ROBO1: variants seen among roughly 807,000 people sequenced by gnomAD.
ROBO1 encodes the protein roundabout guidance receptor 1.
ROBO1 carries 149 observed loss-of-function variants against 195.9 expected under a neutral mutation model. The ratio of observed to expected loss-of-function variants is 0.76; its 90% confidence interval spans 0.67 to 0.87. ROBO1 has a LOEUF of 0.87. Ranked by LOEUF, ROBO1 falls within the 40% of genes least tolerant of loss-of-function variation. The probability of loss-of-function intolerance (pLI) is 0.00; values close to 1 mark genes in which losing one functional copy is unlikely to be tolerated. For missense variants in ROBO1, 1,933 were observed against 2,068.3 expected (o/e 0.93, Z 1.27); for synonymous variants, 816 against 733.2 (o/e 1.11, Z -1.82).
chr3:79,450,491 G>A (rs114230542), intron 2 of ROBO1, among the ~76,000 whole-genome samples: 23 of 152,076 alleles, frequency 1.5e-4, no homozygotes, highest in African/African-American at 4.8e-4. Flanking sequence ...TCAGTTATAC[G>A]AATAATGTAT....
intron 1 of ROBO1, among the ~76,000 whole-genome samples, chr3:79,729,499 T>G (rs1163894055): frequency 6.6e-6 from 1 of 152,238 alleles, no homozygotes; most frequent in Non-Finnish European, 1.5e-5. Flanking sequence ...AAAAGTGCTG[T>G]GTTTGTTTAT....
chr3:79,054,459 C>T (rs533179473), intron 3 of ROBO1, among the ~76,000 whole-genome samples: 2 of 152,078 alleles, frequency 1.3e-5, no homozygotes, highest in East Asian at 3.9e-4. Flanking sequence ...GCATTCCATC[C>T]AATGACAAAA....
chr3:78,636,681 T>TCTGTTGG (rs1253227591), intron 22 of ROBO1, among the ~76,000 whole-genome samples: 1 of 151,782 alleles, frequency 6.6e-6, no homozygotes, highest in Admixed American at 6.6e-5. Context: ...CTTGTTGTAG[T>TCTGTTGG]CCTGTTGGAT....
chr3:79,698,535 C>T (rs1947514165), intron 1 of ROBO1, among the ~76,000 whole-genome samples: 1 of 151,406 alleles, frequency 6.6e-6, no homozygotes, highest in South Asian at 2.1e-4. Context: ...TTCATATGGT[C>T]TATTCTTCCA....
At chr3:78,634,377 T>C (rs957389297) in intron 23 of ROBO1, 4 of 196,816 alleles carry the variant, frequency 2.0e-5, no homozygotes, top group Non-Finnish European at 3.3e-5. Flanking sequence ...AATATATCTA[T>C]GATTAAAAAA....
chr3:78,655,720 T>C (rs1171071195), intron 18 of ROBO1, among the ~76,000 whole-genome samples: 1 of 152,212 alleles, frequency 6.6e-6, no homozygotes, highest in Admixed American at 6.5e-5. Flanking sequence ...TGTTTTGAAA[T>C]AATTTCCAGG....
intron 3 of ROBO1, among the ~76,000 whole-genome samples, chr3:79,109,908 T>C (rs538813668): frequency 3.3e-5 from 5 of 152,130 alleles, no homozygotes; most frequent in Non-Finnish European, 7.4e-5. Flanking sequence ...TAAGTAACTA[T>C]GGGTTAATTG....
At chr3:79,383,607 T>C (rs1421131910) in intron 2 of ROBO1, among the ~76,000 whole-genome samples, 1 of 152,106 alleles carries the variant, frequency 6.6e-6, no homozygotes, top group Non-Finnish European at 1.5e-5. Flanking sequence ...ATTTTTTTGT[T>C]GTTCACTTCC....
At chr3:78,962,790 C>T (rs1431637983) in intron 3 of ROBO1, among the ~76,000 whole-genome samples, 5 of 129,724 alleles carry the variant, frequency 3.9e-5, no homozygotes, top group African/African-American at 1.5e-4. Flanking sequence ...CGCCACTGCA[C>T]TTCAGCCTGG....
chr3:78,968,026 AGT>A (rs1467797468), intron 3 of ROBO1, among the ~76,000 whole-genome samples: 1 of 152,218 alleles, frequency 6.6e-6, no homozygotes, highest in East Asian at 1.9e-4. Context: ...AGAAACTATG[AGT>A]GGAGGGAAAT....
chr3:79,409,715 G>C (rs2037690079), intron 2 of ROBO1, among the ~76,000 whole-genome samples: 1 of 152,076 alleles, frequency 6.6e-6, no homozygotes, highest in Non-Finnish European at 1.5e-5. Flanking sequence ...ATGAGTCTAA[G>C]TTCCTACACA....
intron 3 of ROBO1, among the ~76,000 whole-genome samples, chr3:78,954,354 C>T (rs1181385768): frequency 6.6e-6 from 1 of 151,958 alleles, no homozygotes; most frequent in Non-Finnish European, 1.5e-5. Context: ...AGTGAATAGT[C>T]ATATTGTTTT....
chr3:79,687,110 A>C (rs1245597733), intron 1 of ROBO1, among the ~76,000 whole-genome samples: 2 of 152,176 alleles, frequency 1.3e-5, no homozygotes, highest in Non-Finnish European at 2.9e-5. Flanking sequence ...AAAACAAGAA[A>C]TGGGGAAATG....
intron 2 of ROBO1, among the ~76,000 whole-genome samples, chr3:79,284,424 T>A (rs999399679): frequency 6.6e-6 from 1 of 152,160 alleles, no homozygotes; most frequent in Non-Finnish European, 1.5e-5. Context: ...ATGGCACATG[T>A]ATACCTATGT....
At chr3:78,973,575 C>A (rs2076819536) in intron 3 of ROBO1, among the ~76,000 whole-genome samples, 3 of 129,424 alleles carry the variant, frequency 2.3e-5, no homozygotes, top group Admixed American at 8.1e-5. Context: ...ATATATGAAG[C>A]TATATATATA....
chr3:79,494,531 T>A (rs1460963009), intron 2 of ROBO1, among the ~76,000 whole-genome samples: 1 of 151,944 alleles, frequency 6.6e-6, no homozygotes. Context: ...ACTACAGAGT[T>A]AAGAGAAACA....
At chr3:78,866,304 T>C (rs559021774) in intron 4 of ROBO1, among the ~76,000 whole-genome samples, 4 of 152,328 alleles carry the variant, frequency 2.6e-5, no homozygotes, top group Admixed American at 2.0e-4. Context: ...TAAATACTAA[T>C]ATTTGTGTGA....
intron 3 of ROBO1, among the ~76,000 whole-genome samples, chr3:79,121,455 A>G (rs1047015823): frequency 6.6e-6 from 1 of 152,010 alleles, no homozygotes; most frequent in African/African-American, 2.4e-5. Context: ...TTTTTTAATA[A>G]GAGAATATAT....
intron 5 of ROBO1, among the ~76,000 whole-genome samples, chr3:78,726,626 A>C (rs977011274): frequency 3.5e-4 from 54 of 152,170 alleles, no homozygotes; most frequent in African/African-American, 1.3e-3. Context: ...TCTTCATAGA[A>C]ATGCTGTCAA....
Sources: gnomAD v4.1 joint callset for allele counts (sites outside exome capture counted in the v4.1 genomes callset) on GRCh38, gnomAD v4.1.1 for gene constraint, MANE v1.5 for transcripts, NCBI Gene and HGNC (gene_info 2026-07-23, HGNC 2026-07-21) for gene names.